Variants in METTL16 observed in about 807,000 individuals in gnomAD.
METTL16 encodes the protein RNA N(6)-adenosine-methyltransferase METTL16.
Under a neutral mutation model 57.9 loss-of-function variants are expected in METTL16, and 19 were observed. That is an observed-to-expected ratio of 0.33 (90% CI 0.23 to 0.48). The LOEUF (loss-of-function observed/expected upper bound fraction) is 0.48. Among genes scored for constraint, METTL16 ranks in the 20% least tolerant of loss-of-function variants. METTL16 has a pLI of 0.99. For synonymous variants in METTL16, 246 were observed against 255.6 expected (o/e 0.96, Z 0.36); for missense variants, 434 against 691.5 (o/e 0.63, Z 4.18).
intron 2 of METTL16, among the ~76,000 whole-genome samples, chr17:2,479,304 C>G (rs1375180628): frequency 1.3e-5 from 2 of 148,490 alleles, no homozygotes; most frequent in African/African-American, 5.0e-5. Context: ...GTAGCTGGGA[C>G]TACAGGTGCA....
intron 5 of METTL16, among the ~76,000 whole-genome samples, chr17:2,465,817 G>T (rs12945904): frequency 4.0e-4 from 61 of 151,816 alleles, no homozygotes; most frequent in Middle Eastern, 3.4e-3. Context: ...GGTGAGCAGA[G>T]ATCTCACCAC....
At chr17:2,428,640 T>C (rs2151543786) in intron 8 of METTL16, among the ~76,000 whole-genome samples, 1 of 130,922 alleles carries the variant, frequency 7.6e-6, no homozygotes, top group East Asian at 2.3e-4. Flanking sequence ...CTCACACCTG[T>C]AATCTCAGCA....
chr17:2,445,048 C>T (rs2066984620), intron 6 of METTL16, among the ~76,000 whole-genome samples: 1 of 152,130 alleles, frequency 6.6e-6, no homozygotes, highest in African/African-American at 2.4e-5. Context: ...GACAGGGTTT[C>T]ACCATGTTAG....
intron 6 of METTL16, among the ~76,000 whole-genome samples, chr17:2,461,375 AAAAC>A (rs979039180): frequency 3.9e-4 from 60 of 152,254 alleles, no homozygotes; most frequent in Admixed American, 9.8e-4. Context: ...AAAAAAACAA[AAAAC>A]AAACAAACAA....
At chr17:2,422,856 G>A (rs897137077) in intron 8 of METTL16, among the ~76,000 whole-genome samples, 12 of 151,596 alleles carry the variant, frequency 7.9e-5, no homozygotes, top group African/African-American at 2.2e-4. Flanking sequence ...TGGTGGCCGC[G>A]CCTGTAATTC....
chr17:2,483,066 T>C (rs112215752), intron 2 of METTL16, among the ~76,000 whole-genome samples: 2 of 147,650 alleles, frequency 1.4e-5, no homozygotes, highest in African/African-American at 4.9e-5. Context: ...ATAAAATGAA[T>C]GTGAAATGAA....
At chr17:2,504,831 C>G (rs60497336) in intron 1 of METTL16, among the ~76,000 whole-genome samples, 31,003 of 152,026 alleles carry the variant, frequency 0.2, 3,263 homozygotes, top group East Asian at 0.35. Flanking sequence ...CTCAGCCTCC[C>G]AAAGTGCTAC....
At chr17:2,465,362 T>C (rs903469120) in intron 5 of METTL16, among the ~76,000 whole-genome samples, 1 of 150,328 alleles carries the variant, frequency 6.7e-6, no homozygotes, top group Non-Finnish European at 1.5e-5. Context: ...GCTAACAAAG[T>C]GAAACCCCAT....
intron 2 of METTL16, among the ~76,000 whole-genome samples, chr17:2,495,951 A>C (rs2067442081): frequency 6.6e-6 from 1 of 151,328 alleles, no homozygotes; most frequent in Admixed American, 6.6e-5. Flanking sequence ...TCTACTAAAA[A>C]ATACAAAAAT....
intron 6 of METTL16, among the ~76,000 whole-genome samples, chr17:2,451,726 C>T (rs2067071572): frequency 1.3e-5 from 2 of 151,882 alleles, no homozygotes; most frequent in Non-Finnish European, 2.9e-5. Context: ...GAAGAGAAAT[C>T]GGGAGCAATT....
Position 2,416,993 on chromosome 17 carries a change from TG to T in METTL16, c.*2976del, listed in dbSNP as rs1277640719. On this transcript the variant is annotated 3_prime_UTR_variant, in exon 10 of 10. Coordinates refer to ENST00000263092, the MANE Select transcript of METTL16 (RefSeq NM_024086.4). The stretch of plus-strand genomic sequence containing the variant: ...AAGAAAATCTTCTCAGGGAAGGAAA[TG>T]GAAACATCCAAATGCACAGAAGGCA... The T allele has an allele frequency of 6.8e-6, 1 of 146,018 alleles. No individual in the cohort carries two copies. 9.0% of individuals were successfully genotyped at this position (146,018 alleles called of 1,614,324 possible). A position where few individuals can be genotyped will look rare whatever the true frequency, so the allele number is the denominator to read the frequency against.
chr17:2,498,370 C>T (rs996601592), intron 2 of METTL16, among the ~76,000 whole-genome samples: 2 of 151,326 alleles, frequency 1.3e-5, no homozygotes, highest in African/African-American at 4.9e-5. Context: ...CGAGACAGCG[C>T]CACTGCACTC....
At chr17:2,465,308 C>T (rs2067183911) in intron 5 of METTL16, among the ~76,000 whole-genome samples, 1 of 151,714 alleles carries the variant, frequency 6.6e-6, no homozygotes, top group Admixed American at 6.6e-5. Context: ...CTTTAGGAGG[C>T]CGAGGCGGGA....
intron 8 of METTL16, among the ~76,000 whole-genome samples, chr17:2,430,257 C>A (rs1023932135): frequency 6.6e-6 from 1 of 151,808 alleles, no homozygotes; most frequent in Non-Finnish European, 1.5e-5. Context: ...GGACTTCAGG[C>A]GCATACCACC....
chr17:2,434,285 G>A (rs1419471741), intron 8 of METTL16, among the ~76,000 whole-genome samples: 2 of 152,106 alleles, frequency 1.3e-5, no homozygotes, highest in Non-Finnish European at 2.9e-5. Flanking sequence ...TGTAACCTCC[G>A]CCCACTGTAA....
chr17:2,435,416 G>A (rs2066902283), intron 8 of METTL16, among the ~76,000 whole-genome samples: 1 of 151,958 alleles, frequency 6.6e-6, no homozygotes, highest in Non-Finnish European at 1.5e-5. Flanking sequence ...AAGTCAGATG[G>A]GGTTTTCAAA....
intron 6 of METTL16, among the ~76,000 whole-genome samples, chr17:2,443,826 T>C (rs1398318902): frequency 1.3e-5 from 2 of 152,128 alleles, no homozygotes; most frequent in Non-Finnish European, 2.9e-5. Context: ...AAGAAAGGTA[T>C]AGACCAGGTA....
intron 6 of METTL16, among the ~76,000 whole-genome samples, chr17:2,455,871 T>C (rs998004870): frequency 2.0e-5 from 3 of 151,988 alleles, no homozygotes. Context: ...TAGTCCTAGC[T>C]ACTCAGGAGG....
In METTL16 at chr17:2,477,701, T is replaced by C; in HGVS notation, c.313A>G (p.Arg105Gly). The change falls in exon 3 of 10, where the codon AGA (arginine) becomes GGA (glycine). Residue 105 changes from arginine (R) to glycine (G), a missense_variant. This residue lies in a region of METTL16 where 118 missense variants were observed against 280.0 expected (regional missense o/e 0.42). Coordinates refer to ENST00000263092, the MANE Select transcript of METTL16 (RefSeq NM_024086.4). ...AATGATATACCTATGTCAATTCCTC[T>C]TCGGAGAGTACTTTTGTCAGAATCC... ...HQDSDKSTLR[R>G]GIDIGTGASC... The C allele has an allele frequency of 6.2e-7, 1 of 1,613,234 alleles. No individual in the cohort carries two copies. The highest frequency in any genetic ancestry group is 8.5e-7 in the Non-Finnish European group (1 of 1,179,164).
Sources: gnomAD v4.1 joint callset for allele counts (sites outside exome capture counted in the v4.1 genomes callset) on GRCh38, gnomAD v4.1.1 for gene constraint, gnomAD v4.1.1 regional missense constraint, MANE v1.5 for transcripts, NCBI Gene and HGNC (gene_info 2026-07-23, HGNC 2026-07-21) for gene names.